ESR1: variants seen among roughly 807,000 people sequenced by gnomAD.
The protein encoded by ESR1 is estrogen receptor 1.
In ESR1, 12 loss-of-function variants were observed where a neutral mutation model predicts 52.7. The ratio of observed to expected loss-of-function variants is 0.23; its 90% CI spans 0.15 to 0.37. ESR1 has a LOEUF of 0.37. Among genes scored for constraint, ESR1 ranks in the 10% least tolerant of loss-of-function variants. ESR1 has a pLI of 1.00. For missense variants in ESR1, 584 were observed against 779.7 expected (o/e 0.75, Z 2.99); for synonymous variants, 305 against 316.8 (o/e 0.96, Z 0.39).
Position 151,859,244 on chromosome 6 carries a change from A to C in ESR1, c.643+16457A>C, listed in dbSNP as rs376293608. On this transcript the variant is annotated intron_variant, in intron 2 of 7. Transcript: ENST00000206249. ...TTATCACAATTTGTAACATGTAGCTAATAAAAATGGTTATTACATGAGAAC... is the reference window on the plus strand; with the variant it reads ...TTATCACAATTTGTAACATGTAGCTCATAAAAATGGTTATTACATGAGAAC... Among the ~76,000 whole-genome samples the C allele has an allele frequency of 2.0e-5, 3 of 152,324 alleles. No homozygotes were observed. The East Asian group carries it at 5.8e-4, about 29-fold the overall frequency.
chr6:151,744,477 A>G (rs1462026771), intron 2 of ESR1, among the ~76,000 whole-genome samples: 4 of 152,194 alleles, frequency 2.6e-5, no homozygotes, highest in African/African-American at 9.6e-5. Context: ...AAATGACATA[A>G]AGCATCTTTT....
chr6:152,052,544 A>T (rs1352640238), intron 5 of ESR1, among the ~76,000 whole-genome samples: 1 of 152,222 alleles, frequency 6.6e-6, no homozygotes, highest in Non-Finnish European at 1.5e-5. Flanking sequence ...ATCAGAGTTG[A>T]GTAGCTGCCA....
chr6:151,903,578 C>G (rs868649563), intron 3 of ESR1, among the ~76,000 whole-genome samples: 2 of 152,214 alleles, frequency 1.3e-5, no homozygotes, highest in South Asian at 4.1e-4. Context: ...TACTTGACCA[C>G]TTATTTTCTT....
intron 4 of ESR1, among the ~76,000 whole-genome samples, chr6:151,979,529 CTG>C (rs2039793596): frequency 6.6e-6 from 1 of 152,042 alleles, no homozygotes; most frequent in South Asian, 2.1e-4. Context: ...TGCCATAAAA[CTG>C]TGACTTCTGA....
intron 4 of ESR1, among the ~76,000 whole-genome samples, chr6:151,949,913 G>A (rs1259011520): frequency 1.3e-5 from 2 of 152,204 alleles, no homozygotes; most frequent in East Asian, 3.8e-4. Flanking sequence ...GTGTCAGTGA[G>A]TGATATGGTT....
intron 2 of ESR1, among the ~76,000 whole-genome samples, chr6:151,712,573 C>T (rs541746794): frequency 6.6e-6 from 1 of 152,036 alleles, no homozygotes; most frequent in Non-Finnish European, 1.5e-5. Context: ...TGTAAGTTGT[C>T]TTCCTACATG....
exon 7 of ESR1, chr6:152,128,021 G>A (rs1267822405): frequency 2.0e-5 from 3 of 152,150 alleles, no homozygotes. Context: ...CTAAGCTTTA[G>A]AATGAAGTCA....
At chr6:152,004,421 G>A (rs1183872825) in intron 4 of ESR1, among the ~76,000 whole-genome samples, 3 of 151,956 alleles carry the variant, frequency 2.0e-5, no homozygotes, top group Non-Finnish European at 4.4e-5. Flanking sequence ...TCTACAATGA[G>A]TTAGCCACTC....
chr6:151,811,837 G>A (rs527855482), intron 1 of ESR1, among the ~76,000 whole-genome samples: 1 of 152,148 alleles, frequency 6.6e-6, no homozygotes, highest in African/African-American at 2.4e-5. Flanking sequence ...GGATGAAAAC[G>A]GAATCACATC....
At chr6:151,992,265 G>C (rs1562642464) in intron 4 of ESR1, among the ~76,000 whole-genome samples, 1 of 152,086 alleles carries the variant, frequency 6.6e-6, no homozygotes, top group Non-Finnish European at 1.5e-5. Flanking sequence ...TTCATCTCCA[G>C]AACTTTCTCA....
chr6:151,883,790 C>G (rs1793365662), intron 3 of ESR1, among the ~76,000 whole-genome samples: 1 of 152,110 alleles, frequency 6.6e-6, no homozygotes, highest in Admixed American at 6.5e-5. Flanking sequence ...TTTCCCGAGG[C>G]CTCTCTCCTT....
At chr6:151,978,269 T>A (rs1170799573) in intron 4 of ESR1, among the ~76,000 whole-genome samples, 1 of 152,142 alleles carries the variant, frequency 6.6e-6, no homozygotes, top group East Asian at 1.9e-4. Flanking sequence ...AGAATGGATA[T>A]AGCAGAAGAA....
At chr6:151,722,041 G>A (rs1781496827) in intron 2 of ESR1, among the ~76,000 whole-genome samples, 1 of 152,240 alleles carries the variant, frequency 6.6e-6, no homozygotes, top group Non-Finnish European at 1.5e-5. Flanking sequence ...ATCTGCCCCA[G>A]AGGCACTGGG....
chr6:151,684,230 T>C (rs1778569559), intron 1 of ESR1, among the ~76,000 whole-genome samples: 1 of 151,974 alleles, frequency 6.6e-6, no homozygotes, highest in Admixed American at 6.6e-5. Flanking sequence ...AGATGAACAC[T>C]GAGGAAGTGG....
chr6:152,025,206 T>C (rs1047781155), intron 5 of ESR1, among the ~76,000 whole-genome samples: 5 of 63,512 alleles, frequency 7.9e-5, no homozygotes, highest in African/African-American at 5.9e-4. Context: ...TTCATCACGC[T>C]TTTTTTTTTT....
At chr6:151,940,315 T>C (rs1291286063) in intron 3 of ESR1, among the ~76,000 whole-genome samples, 2 of 152,198 alleles carry the variant, frequency 1.3e-5, no homozygotes, top group African/African-American at 4.8e-5. Flanking sequence ...CAATTCAAGA[T>C]GAGATTTGGA....
chr6:151,895,459 T>G (rs1277334610), intron 3 of ESR1, among the ~76,000 whole-genome samples: 1 of 152,210 alleles, frequency 6.6e-6, no homozygotes. Flanking sequence ...ATCTTTGTTT[T>G]GTTCCAGTTC....
intron 2 of ESR1, among the ~76,000 whole-genome samples, chr6:151,728,210 T>A (rs914151948): frequency 6.6e-6 from 1 of 152,206 alleles, no homozygotes; most frequent in Non-Finnish European, 1.5e-5. Context: ...AGGAGGATGA[T>A]GTTCTATTTA....
At chr6:152,022,620 G>A (rs1332475965) in intron 5 of ESR1, among the ~76,000 whole-genome samples, 1 of 152,092 alleles carries the variant, frequency 6.6e-6, no homozygotes, top group Non-Finnish European at 1.5e-5. Flanking sequence ...GGTTAAGGCA[G>A]TTTTTTGAGA....
Sources: gnomAD v4.1 joint callset for allele counts (sites outside exome capture counted in the v4.1 genomes callset) on GRCh38, gnomAD v4.1.1 for gene constraint, MANE v1.5 for transcripts, NCBI Gene and HGNC (gene_info 2026-07-23, HGNC 2026-07-21) for gene names.